PPARG: variants seen among roughly 807,000 people sequenced by gnomAD.
The protein encoded by PPARG is peroxisome proliferator-activated receptor gamma.
In PPARG, 17 loss-of-function variants were observed where a neutral mutation model predicts 39.2. That is an observed-to-expected ratio of 0.43 (90% CI 0.30 to 0.65). PPARG has a LOEUF of 0.65. PPARG is among the 30% of genes least tolerant of loss of function. PPARG has a pLI of 0.13. For synonymous variants in PPARG, 223 were observed against 215.7 expected, an observed-to-expected ratio of 1.03 and a Z score of -0.30; for missense variants, 406 against 585.9, an observed-to-expected ratio of 0.69 and a Z score of 3.17.
intron 2 of PPARG, among the ~76,000 whole-genome samples, chr3:12,317,287 T>G (rs1158725758): frequency 6.6e-6 from 1 of 152,212 alleles, no homozygotes; most frequent in Admixed American, 6.5e-5. Flanking sequence ...CCTTCGGGTT[T>G]GTTTCATTTT....
chr3:12,298,411 A>T (rs1014269323), intron 1 of PPARG, among the ~76,000 whole-genome samples: 2 of 151,836 alleles, frequency 1.3e-5, no homozygotes, highest in African/African-American at 4.8e-5. Context: ...AGACACACAC[A>T]CACACACACA....
chr3:12,408,780 G>T (rs1168501296), intron 6 of PPARG, among the ~76,000 whole-genome samples: 1 of 151,348 alleles, frequency 6.6e-6, no homozygotes, highest in African/African-American at 2.4e-5. Context: ...ATTCATACCT[G>T]CAATCCTTAT....
intron 1 of PPARG, chr3:12,301,750 C>G (rs2046932308): frequency 6.6e-6 from 1 of 152,252 alleles, no homozygotes; most frequent in Non-Finnish European, 1.5e-5. Context: ...GCCACCACAC[C>G]TGTTCAGCTA....
At chr3:12,404,927 C>G (rs1409889272) in intron 5 of PPARG, among the ~76,000 whole-genome samples, 1 of 152,132 alleles carries the variant, frequency 6.6e-6, no homozygotes, top group Middle Eastern at 3.2e-3. Flanking sequence ...TCTAGTGAAG[C>G]CGATCACCAT....
At chr3:12,340,469 C>A (rs1469133719) in intron 2 of PPARG, among the ~76,000 whole-genome samples, 1 of 152,098 alleles carries the variant, frequency 6.6e-6, no homozygotes, top group Non-Finnish European at 1.5e-5. Flanking sequence ...GTAAAAGTTA[C>A]TTCTTGTCCA....
chr3:12,336,325 G>A (rs540269230), intron 2 of PPARG, among the ~76,000 whole-genome samples: 45 of 152,002 alleles, frequency 3.0e-4, no homozygotes, highest in Non-Finnish European at 3.2e-4. Flanking sequence ...AGGAGTTTGT[G>A]GTATCTTTTA....
intron 2 of PPARG, among the ~76,000 whole-genome samples, chr3:12,329,588 A>C (rs766825346): frequency 3.3e-5 from 5 of 152,226 alleles, no homozygotes; most frequent in Non-Finnish European, 7.3e-5. Flanking sequence ...ATGTCGAACC[A>C]GTAAAAAACA....
chr3:12,412,990 T>A (rs2050931258), intron 6 of PPARG, among the ~76,000 whole-genome samples: 2 of 152,142 alleles, frequency 1.3e-5, no homozygotes, highest in South Asian at 4.1e-4. Context: ...ATAATGGCAA[T>A]CTTTGGATGA....
intron 7 of PPARG, among the ~76,000 whole-genome samples, chr3:12,427,725 T>G (rs1025310535): frequency 4.6e-5 from 7 of 152,144 alleles, no homozygotes; most frequent in Non-Finnish European, 7.3e-5. Flanking sequence ...AGAACATGCC[T>G]GTGAACTGAG....
intron 1 of PPARG, among the ~76,000 whole-genome samples, chr3:12,293,625 G>A (rs375445857): frequency 2.1e-4 from 32 of 152,234 alleles, no homozygotes; most frequent in African/African-American, 7.7e-4. Context: ...TAAAATATAA[G>A]GTTGATTTCT....
chr3:12,402,107 T>C (rs182571460), intron 5 of PPARG, among the ~76,000 whole-genome samples: 2 of 152,328 alleles, frequency 1.3e-5, no homozygotes, highest in African/African-American at 4.8e-5. Flanking sequence ...TTGCATATGA[T>C]TATAGCCTCT....
intron 1 of PPARG, among the ~76,000 whole-genome samples, chr3:12,310,810 A>AT: frequency 6.9e-6 from 1 of 144,464 alleles, no homozygotes; most frequent in Middle Eastern, 3.6e-3. Context: ...AAAAAAAAAA[A>AT]AAAAAAAAAA....
At chr3:12,299,354 G>T (rs889727715) in intron 1 of PPARG, among the ~76,000 whole-genome samples, 2 of 152,068 alleles carry the variant, frequency 1.3e-5, no homozygotes, top group East Asian at 3.9e-4. Context: ...TAACTAGATG[G>T]CATTGCTAGG....
At chr3:12,379,302 G>A (rs1030962674) in intron 2 of PPARG, among the ~76,000 whole-genome samples, 2 of 152,114 alleles carry the variant, frequency 1.3e-5, no homozygotes, top group Non-Finnish European at 2.9e-5. Context: ...ACTGTGCCTG[G>A]CCTGTATACC....
intron 7 of PPARG, 103 bp downstream of exon 7, chr3:12,417,257 A>G: frequency 2.6e-6 from 3 of 1,154,754 alleles, no homozygotes; most frequent in Non-Finnish European, 2.5e-6. Context: ...TGTCACTTTA[A>G]GTGCCAGTGG....
intron 2 of PPARG, among the ~76,000 whole-genome samples, chr3:12,335,653 A>C (rs1021472012): frequency 9.9e-5 from 15 of 152,226 alleles, no homozygotes; most frequent in Admixed American, 9.8e-4. Flanking sequence ...TACGGCAAAA[A>C]CTTTGCAATT....
intron 2 of PPARG, among the ~76,000 whole-genome samples, chr3:12,349,319 C>T (rs1435328804): frequency 1.3e-5 from 2 of 152,158 alleles, no homozygotes; most frequent in African/African-American, 4.8e-5. Context: ...GAGATTGGCT[C>T]ATCTATCTTT....
intron 2 of PPARG, among the ~76,000 whole-genome samples, chr3:12,346,830 C>T (rs887363564): frequency 4.0e-5 from 6 of 151,782 alleles, no homozygotes; most frequent in Middle Eastern, 3.4e-3. Context: ...GAGGCAGGGT[C>T]TCACTCTGTT....
intron 2 of PPARG, among the ~76,000 whole-genome samples, chr3:12,318,900 C>G (rs2047463407): frequency 6.6e-6 from 1 of 151,876 alleles, no homozygotes; most frequent in Non-Finnish European, 1.5e-5. Context: ...GTTCTTCAGT[C>G]CAGATCCTGT....
Sources: gnomAD v4.1 joint callset for allele counts (sites outside exome capture counted in the v4.1 genomes callset) on GRCh38, gnomAD v4.1.1 for gene constraint, MANE v1.5 for transcripts, NCBI Gene and HGNC (gene_info 2026-07-23, HGNC 2026-07-21) for gene names.